ERC1: variants seen among roughly 807,000 people sequenced by gnomAD.
ERC1 encodes the protein RAB6 interacting protein 2.
A neutral mutation model predicts 132.0 loss-of-function variants in ERC1; 56 were observed. The observed-to-expected ratio is 0.42, with a 90% CI of 0.34 to 0.53. ERC1 has a LOEUF of 0.53. ERC1 is among the 20% of genes least tolerant of loss of function. ERC1 has a pLI of 0.03. For synonymous variants in ERC1, 478 were observed against 476.1 expected, an observed-to-expected ratio of 1.00 and a Z score of -0.05; for missense variants, 1,202 against 1,349.9, an observed-to-expected ratio of 0.89 and a Z score of 1.72.
chr12:1,438,321 G>T (rs968913853), intron 17 of ERC1, among the ~76,000 whole-genome samples: 8 of 152,146 alleles, frequency 5.3e-5, no homozygotes, highest in Non-Finnish European at 1.0e-4. Flanking sequence ...TTAGCTCTCC[G>T]CTGGGGCCTC....
intron 12 of ERC1, among the ~76,000 whole-genome samples, chr12:1,230,046 A>C: frequency 8.0e-6 from 1 of 124,320 alleles, no homozygotes; most frequent in South Asian, 2.4e-4. Context: ...TCACTGTGTC[A>C]CCCAGGCTAG....
In ERC1 at chr12:1,490,512, G is replaced by A. The variant is rs1430790849; in HGVS notation, c.*282G>A. ...ACCTGGTCATCAGCAGTGGAGAACT[G>A]TGGGAGCTGGTGGCTCTGCCCTGAC... is the stretch of plus-strand genomic sequence containing the variant. On this transcript the variant is annotated 3_prime_UTR_variant, in exon 19 of 19. Coordinates refer to ENST00000360905, the MANE Select transcript of ERC1 (RefSeq NM_178040.4). The A allele has an allele frequency of 2.7e-6, 1 of 375,014 alleles. No homozygotes were observed. Among genetic ancestry groups the A allele is most frequent in the Non-Finnish European group, 4.9e-6 (1 of 202,680 alleles). The allele number at this position is 375,014 out of a possible 1,614,324, so 23.2% of individuals were successfully genotyped here.
intron 7 of ERC1, among the ~76,000 whole-genome samples, chr12:1,116,711 T>A (rs1248628717): frequency 6.6e-6 from 1 of 151,934 alleles, no homozygotes; most frequent in Non-Finnish European, 1.5e-5. Flanking sequence ...GCCTCCTGAG[T>A]AGCTGGGATT....
chr12:1,138,344 T>A (rs1949554681), intron 7 of ERC1, among the ~76,000 whole-genome samples: 1 of 142,644 alleles, frequency 7.0e-6, no homozygotes, highest in East Asian at 2.0e-4. Flanking sequence ...ATATGTTATA[T>A]AATATATAAT....
At chr12:1,457,892 CAAAAAAAGAAAA>C (rs2093571488) in intron 18 of ERC1, among the ~76,000 whole-genome samples, 1 of 151,574 alleles carries the variant, frequency 6.6e-6, no homozygotes, top group Non-Finnish European at 1.5e-5. Flanking sequence ...GACCCTGTCT[CAAAAAAAGAAAA>C]AGAAAAAGAA....
rs577283838 is a variant in ERC1 at position 1,304,479 on chromosome 12, C to T, written c.2780+14467C>T. On this transcript the variant is annotated intron_variant, in intron 15 of 18. Transcript: ENST00000360905. The stretch of plus-strand genomic sequence containing the variant: ...CTTGGCCTAATCTAATCAGCACCTA[C>T]CTCTGAGGTTTAGAGATAGTCTTTA... Among the ~76,000 whole-genome samples, 11 of 152,316 alleles carry T rather than the reference C, an allele frequency of 7.2e-5. No homozygotes were observed. In the South Asian group the frequency reaches 2.3e-3, roughly 32 times the overall value.
intron 15 of ERC1, among the ~76,000 whole-genome samples, chr12:1,361,801 G>C (rs754514184): frequency 1.3e-5 from 2 of 152,188 alleles, no homozygotes; most frequent in Non-Finnish European, 2.9e-5. Flanking sequence ...CTCATCAACA[G>C]TATGGGATGA....
intron 15 of ERC1, among the ~76,000 whole-genome samples, chr12:1,301,184 T>C (rs1477529741): frequency 1.3e-5 from 2 of 149,200 alleles, no homozygotes; most frequent in African/African-American, 2.5e-5. Flanking sequence ...CTTTAGAGAC[T>C]CCGAGGGGGT....
intron 2 of ERC1, among the ~76,000 whole-genome samples, chr12:1,078,743 T>A (rs1234409572): frequency 1.3e-5 from 2 of 151,970 alleles, no homozygotes; most frequent in Non-Finnish European, 1.5e-5. Context: ...AATAACAAAA[T>A]GGGCAAAGAA....
intron 2 of ERC1, among the ~76,000 whole-genome samples, chr12:1,064,355 T>G (rs770523940): frequency 7.2e-5 from 11 of 152,008 alleles, no homozygotes; most frequent in Non-Finnish European, 1.3e-4. Flanking sequence ...GCCTCCTGAG[T>G]ATTCTCTTGC....
At chr12:1,236,377 G>T (rs1318594548) in intron 12 of ERC1, among the ~76,000 whole-genome samples, 2 of 152,092 alleles carry the variant, frequency 1.3e-5, no homozygotes, top group Non-Finnish European at 2.9e-5. Flanking sequence ...GGTAAAATTA[G>T]AGTTGTTTTA....
chr12:1,138,153 T>C (rs1949488028), intron 7 of ERC1, among the ~76,000 whole-genome samples: 1 of 79,260 alleles, frequency 1.3e-5, no homozygotes, highest in Non-Finnish European at 2.4e-5. Context: ...TATATTTATT[T>C]ACATAATATA....
chr12:1,301,477 G>T (rs745717445), intron 15 of ERC1, among the ~76,000 whole-genome samples: 1 of 152,160 alleles, frequency 6.6e-6, no homozygotes, highest in Non-Finnish European at 1.5e-5. Context: ...ATGGAATATT[G>T]TGCAGCCATA....
intron 12 of ERC1, among the ~76,000 whole-genome samples, chr12:1,208,921 G>C (rs1957587448): frequency 6.8e-6 from 1 of 147,482 alleles, no homozygotes; most frequent in African/African-American, 2.5e-5. Context: ...CTCCCGAGTA[G>C]CTGGGATTAC....
At chr12:1,080,478 A>G (rs1180687729) in intron 2 of ERC1, among the ~76,000 whole-genome samples, 1 of 152,190 alleles carries the variant, frequency 6.6e-6, no homozygotes, top group Admixed American at 6.5e-5. Flanking sequence ...TAAGGCTGAA[A>G]ATCATTAGCA....
chr12:1,345,919 G>A (rs536987446), intron 15 of ERC1, among the ~76,000 whole-genome samples: 1 of 152,220 alleles, frequency 6.6e-6, no homozygotes, highest in African/African-American at 2.4e-5. Flanking sequence ...CATTCTACTT[G>A]AAGTATTACT....
chr12:1,404,689 T>C (rs2091334676), intron 16 of ERC1, among the ~76,000 whole-genome samples: 1 of 152,196 alleles, frequency 6.6e-6, no homozygotes, highest in Non-Finnish European at 1.5e-5. Flanking sequence ...GGGGGATGCA[T>C]ACACAGGTTT....
intron 2 of ERC1, among the ~76,000 whole-genome samples, chr12:1,031,444 C>G (rs1329113444): frequency 2.6e-5 from 4 of 152,094 alleles, no homozygotes; most frequent in African/African-American, 9.7e-5. Flanking sequence ...TGCCTCCTAC[C>G]ATTCTATTGT....
chr12:1,101,403 C>T (rs1019834122), intron 3 of ERC1, among the ~76,000 whole-genome samples: 1 of 152,190 alleles, frequency 6.6e-6, no homozygotes, highest in Non-Finnish European at 1.5e-5. Context: ...ACATCACTGA[C>T]ACTGCTCACC....
Sources: allele counts gnomAD v4.1 joint callset (sites outside exome capture counted in the v4.1 genomes callset), GRCh38; gene constraint gnomAD v4.1.1; transcripts MANE v1.5; gene names NCBI Gene and HGNC (gene_info 2026-07-23, HGNC 2026-07-21).